The following CTNNA2 variants were observed in gnomAD, a reference collection of about 807,000 sequenced individuals.
CTNNA2 encodes catenin alpha 2, also known as catenin alpha-2.
CTNNA2 carries 42 observed loss-of-function variants against 101.0 expected under a neutral mutation model. The observed-to-expected ratio is 0.42, with a 90% confidence interval of 0.32 to 0.54. CTNNA2 has a LOEUF of 0.54. Among genes scored for constraint, CTNNA2 ranks in the 20% least tolerant of loss-of-function variants. The pLI is 0.14. For synonymous variants in CTNNA2, 450 were observed against 456.4 expected, an observed-to-expected ratio of 0.99 and a Z score of 0.18; for missense variants, 871 against 1,223.1, an observed-to-expected ratio of 0.71 and a Z score of 4.29.
intron 1 of CTNNA2, among the ~76,000 whole-genome samples, chr2:79,642,153 TTGAG>T (rs1487884527): frequency 2.6e-5 from 4 of 152,234 alleles, no homozygotes; most frequent in African/African-American, 9.6e-5. Context: ...TGCTTTGACA[TTGAG>T]TATTATTACA....
intron 2 of CTNNA2, among the ~76,000 whole-genome samples, chr2:79,301,281 T>C (rs1676101661): frequency 6.6e-6 from 1 of 152,208 alleles, no homozygotes; most frequent in Admixed American, 6.5e-5. Context: ...TCATTCACCA[T>C]TAAATTTGCC....
At chr2:79,765,465 C>T (rs976051804) in intron 3 of CTNNA2, among the ~76,000 whole-genome samples, 5 of 152,088 alleles carry the variant, frequency 3.3e-5, no homozygotes, top group Admixed American at 6.6e-5. Flanking sequence ...GCATTAAAAT[C>T]GCCTGGGGAG....
chr2:79,842,744 T>C (rs1037754373), intron 3 of CTNNA2, among the ~76,000 whole-genome samples: 1 of 151,984 alleles, frequency 6.6e-6, no homozygotes, highest in Non-Finnish European at 1.5e-5. Context: ...GCTAGTGTCA[T>C]CCACCTCACT....
At chr2:80,559,891 T>TATATATATATATACACACACACACAC (rs1553387588) in intron 12 of CTNNA2, among the ~76,000 whole-genome samples, 164 of 146,866 alleles carry the variant, frequency 1.1e-3, no homozygotes, top group Middle Eastern at 3.5e-3. Context: ...TATATATATA[T>TATATATATATATACACACACACACAC]ACACACACAT....
chr2:79,315,463 T>G (rs1676474661), intron 3 of CTNNA2, among the ~76,000 whole-genome samples: 1 of 152,180 alleles, frequency 6.6e-6, no homozygotes, highest in African/African-American at 2.4e-5. Context: ...CCTATGCATT[T>G]GCCCAGTTAA....
At chr2:80,578,174 A>C (rs2570778) in intron 13 of CTNNA2, among the ~76,000 whole-genome samples, 83,320 of 151,714 alleles carry the variant, frequency 0.55, 23,497 homozygotes, top group African/African-American at 0.67. Context: ...TTAGGAGAGA[A>C]TCTGGAGTCT....
intron 2 of CTNNA2, among the ~76,000 whole-genome samples, chr2:79,652,777 C>T (rs1201605546): frequency 6.6e-6 from 1 of 152,088 alleles, no homozygotes; most frequent in Non-Finnish European, 1.5e-5. Context: ...TCTGGCTCCC[C>T]AAAGATTCAG....
intron 7 of CTNNA2, among the ~76,000 whole-genome samples, chr2:80,012,015 C>G (rs1375550819): frequency 6.6e-6 from 1 of 152,160 alleles, no homozygotes; most frequent in African/African-American, 2.4e-5. Flanking sequence ...AACTTGAACA[C>G]TTAAGCAATT....
chr2:79,617,791 G>T (rs1678722240), intron 1 of CTNNA2, among the ~76,000 whole-genome samples: 1 of 152,104 alleles, frequency 6.6e-6, no homozygotes, highest in Admixed American at 6.6e-5. Flanking sequence ...GATTCCCTGA[G>T]GCCATCAGGT....
At chr2:79,740,210 T>C (rs1465135730) in intron 2 of CTNNA2, among the ~76,000 whole-genome samples, 2 of 152,154 alleles carry the variant, frequency 1.3e-5, no homozygotes, top group Non-Finnish European at 1.5e-5. Context: ...GTTCCCATCT[T>C]TGTGTCCATG....
At position 80,005,753 on chromosome 2, in the gene CTNNA2, G is replaced by A. The variant is rs1030068789; in HGVS notation, c.1056+95956G>A. 4.9e-5 allele frequency among the ~76,000 whole-genome samples: 7 copies of A among 143,634 alleles called. 1 individual carries two copies. In the East Asian group the frequency reaches 1.5e-3, roughly 31 times the overall value. The allele number at this position is 143,634 out of a possible 152,430, so 94.2% of individuals were successfully genotyped here. A position where few individuals can be genotyped will look rare whatever the true frequency, so the allele number is the denominator to read the frequency against. On this transcript the variant is annotated intron_variant, in intron 7 of 18. Coordinates refer to ENST00000402739, the MANE Select transcript of CTNNA2 (RefSeq NM_001282597.3). ...TTTAGAAATAACTCAAACAACTCAA[G>A]TTTATCACTATGTTTATTTGTTTTT...
chr2:79,979,863 T>C (rs940750095), intron 7 of CTNNA2, among the ~76,000 whole-genome samples: 2 of 152,170 alleles, frequency 1.3e-5, no homozygotes, highest in Non-Finnish European at 2.9e-5. Context: ...TGTTGACTTA[T>C]ATAAAGCAAA....
chr2:80,513,885 A>G (rs1189343916), intron 9 of CTNNA2, among the ~76,000 whole-genome samples: 3 of 152,152 alleles, frequency 2.0e-5, no homozygotes, highest in Admixed American at 6.6e-5. Flanking sequence ...TGCATAATAG[A>G]TGGATATTTC....
chr2:80,263,778 A>G (rs1393047430), intron 7 of CTNNA2, among the ~76,000 whole-genome samples: 1 of 152,212 alleles, frequency 6.6e-6, no homozygotes, highest in African/African-American at 2.4e-5. Context: ...TCTACTAGCC[A>G]ACTCTGCTTT....
At chr2:79,462,449 G>A (rs1292162596) in intron 4 of CTNNA2, among the ~76,000 whole-genome samples, 1 of 152,162 alleles carries the variant, frequency 6.6e-6, no homozygotes, top group Admixed American at 6.5e-5. Context: ...GTCCTTTTTG[G>A]AGAACTAAGT....
chr2:80,493,856 A>G (rs1298902616), intron 9 of CTNNA2, among the ~76,000 whole-genome samples: 1 of 152,246 alleles, frequency 6.6e-6, no homozygotes, highest in Non-Finnish European at 1.5e-5. Flanking sequence ...GAAAAAGTCA[A>G]ATGAGTCAAA....
intron 7 of CTNNA2, among the ~76,000 whole-genome samples, chr2:80,152,315 A>G (rs1255023575): frequency 6.9e-6 from 1 of 144,434 alleles, no homozygotes; most frequent in East Asian, 2.0e-4. Context: ...ATGCCACTTG[A>G]TGTTTTTTTT....
chr2:79,471,543 G>A (rs1573181948), intron 4 of CTNNA2, among the ~76,000 whole-genome samples: 2 of 152,078 alleles, frequency 1.3e-5, no homozygotes. Flanking sequence ...CGGAGGTTAA[G>A]ATTTTAACAT....
At chr2:79,409,141 G>A (rs1009269919) in intron 4 of CTNNA2, among the ~76,000 whole-genome samples, 38 of 152,150 alleles carry the variant, frequency 2.5e-4, no homozygotes, top group African/African-American at 8.4e-4. Context: ...CTTTTTGTTG[G>A]GGTTGTTTGT....
Sources: gnomAD v4.1 joint callset for allele counts (sites outside exome capture counted in the v4.1 genomes callset) on GRCh38, gnomAD v4.1.1 for gene constraint, MANE v1.5 for transcripts, NCBI Gene and HGNC (gene_info 2026-07-23, HGNC 2026-07-21) for gene names.